TOP2B: variants seen among roughly 807,000 people sequenced by gnomAD.
The protein encoded by TOP2B is DNA topoisomerase II beta.
A neutral mutation model predicts 193.5 loss-of-function variants in TOP2B; 51 were observed. The observed-to-expected ratio is 0.26, with a 90% confidence interval of 0.21 to 0.33. The LOEUF (loss-of-function observed/expected upper bound fraction) is 0.33, where lower values mean the gene tolerates loss of function less well. Among genes scored for constraint, TOP2B ranks in the 10% least tolerant of loss-of-function variants. The pLI is 1.00. For missense variants in TOP2B, 1,378 were observed against 1,909.3 expected (o/e 0.72, Z 5.19); for synonymous variants, 634 against 635.7 (o/e 1.00, Z 0.04).
At chr3:25,607,099 A>G (rs114592386) in intron 31 of TOP2B, 72 bp downstream of exon 31, 35,524 of 1,540,810 alleles carry the variant, frequency 0.023, 488 homozygotes, top group Non-Finnish European at 0.026. Context: ...TTCTTAGAAG[A>G]GCTCACTATA....
At position 25,630,303 on chromosome 3, in the gene TOP2B, C is replaced by T. The variant is rs1336188391; in HGVS notation, c.1563+9G>A. 1 of 1,550,444 alleles carries T rather than the reference C, an allele frequency of 6.4e-7. No individual in the cohort carries two copies. Among genetic ancestry groups the T allele is most frequent in the East Asian group, 2.4e-5 (1 of 40,872 alleles). On this transcript the variant is annotated intron_variant, in intron 12 of 35. Transcript: ENST00000264331. Reference sequence around the variant, plus strand: ...GTGTATACACATATATATACACACACATACATACCTGTTTATGAGAAGCTT... The same window carrying T: ...GTGTATACACATATATATACACACATATACATACCTGTTTATGAGAAGCTT...
chr3:25,664,558 G>C lies in TOP2B; in HGVS notation c.-261C>G. Reference sequence around the variant, plus strand: ...GCGCGGCGGCTGAGGAGAAAGCAGGGAGCGACCGGCGGCGGCCGAGCGGCG... The same window carrying C: ...GCGCGGCGGCTGAGGAGAAAGCAGGCAGCGACCGGCGGCGGCCGAGCGGCG... On this transcript the variant is annotated 5_prime_UTR_variant, in exon 1 of 36. Transcript: ENST00000264331. The C allele has an allele frequency of 9.2e-7, 1 of 1,090,414 alleles. No homozygotes were observed. Among genetic ancestry groups the C allele is most frequent in the Non-Finnish European group, 1.1e-6 (1 of 898,760 alleles). 67.5% of individuals were successfully genotyped at this position (1,090,414 alleles called of 1,614,324 possible).
At chr3:25,664,155 C>T in intron 1 of TOP2B, 74 bp downstream of exon 1, 9 of 1,527,882 alleles carry the variant, frequency 5.9e-6, no homozygotes, top group South Asian at 1.2e-5. Flanking sequence ...TCCCCTCCCC[C>T]GCCCGTTCGG....
At chr3:25,623,234 A>T (rs943544976) in intron 21 of TOP2B, among the ~76,000 whole-genome samples, 1 of 152,182 alleles carries the variant, frequency 6.6e-6, no homozygotes, top group Non-Finnish European at 1.5e-5. Context: ...TCAGAAAAGG[A>T]TTGTTTTCTA....
intron 23 of TOP2B, 28 bp downstream of exon 23, chr3:25,619,834 T>C: frequency 4.6e-6 from 7 of 1,513,382 alleles, no homozygotes; most frequent in Non-Finnish European, 6.4e-6. Flanking sequence ...CAAGAAAGAT[T>C]AAATTAACAG....
intron 34 of TOP2B, among the ~76,000 whole-genome samples, chr3:25,599,905 G>A (rs546911826): frequency 6.6e-6 from 1 of 151,858 alleles, no homozygotes; most frequent in African/African-American, 2.4e-5. Context: ...ATTTGTCATG[G>A]GCCAATACTT....
At position 25,635,926 on chromosome 3, in the gene TOP2B, G is replaced by A. The variant is rs1703094205; in HGVS notation, c.852+10C>T. Reference sequence around the variant, plus strand: ...AACATAGTATTAAAACTATTTTACAGGACACTTACAGGCAATTTCTTTCCA... The same window carrying A: ...AACATAGTATTAAAACTATTTTACAAGACACTTACAGGCAATTTCTTTCCA... On this transcript the variant is annotated intron_variant, in intron 7 of 35. Transcript: ENST00000264331. The A allele has an allele frequency of 6.2e-7, 1 of 1,609,306 alleles. No homozygotes were observed. Among genetic ancestry groups the A allele is most frequent in the Admixed American group, 1.7e-5 (1 of 59,698 alleles).
intron 1 of TOP2B, among the ~76,000 whole-genome samples, chr3:25,648,637 C>G (rs1703481720): frequency 6.6e-6 from 1 of 151,916 alleles, no homozygotes. Flanking sequence ...CAGGCAGATC[C>G]CTTGAGCCCA....
intron 21 of TOP2B, among the ~76,000 whole-genome samples, chr3:25,623,264 T>C (rs966458083): frequency 1.3e-5 from 2 of 152,154 alleles, no homozygotes; most frequent in African/African-American, 4.8e-5. Flanking sequence ...GGTTTAGAGG[T>C]TTGAAAACCT....
intron 27 of TOP2B, among the ~76,000 whole-genome samples, chr3:25,614,394 T>C (rs1291114735): frequency 1.3e-5 from 2 of 152,042 alleles, no homozygotes; most frequent in African/African-American, 4.8e-5. Flanking sequence ...CAGGAAACAA[T>C]GTGCAAAAAA....
chr3:25,609,660 C>T lies in TOP2B; in HGVS notation c.3839G>A (p.Gly1280Glu), dbSNP rs1702320613. 1.3e-6 allele frequency: 2 copies of T among 1,537,762 alleles called. No individual in the cohort carries two copies. The highest frequency in any genetic ancestry group is 2.3e-5 in the East Asian group (1 of 42,800). The change falls in exon 29 of 36, where the codon GGA becomes GAA. Residue 1280 changes from glycine (G) to glutamate (E), a missense_variant. Coordinates refer to ENST00000264331, the MANE Select transcript of TOP2B (RefSeq NM_001330700.2). ...VKVEFDEEFS[G>E]APVEGAGEEA... ...TTCTCCTGCACCTTCTACTGGTGCT[C>T]CACTGAATTCTTCATCAAATTCCAC...
At chr3:25,604,713 T>G (rs754177848) in intron 33 of TOP2B, 47 bp downstream of exon 33, 2 of 1,369,770 alleles carry the variant, frequency 1.5e-6, no homozygotes, top group Admixed American at 4.1e-5. Flanking sequence ...CCTTTTACAT[T>G]AACTATCTCT....
At chr3:25,603,837 G>A (rs1427316895) in intron 33 of TOP2B, among the ~76,000 whole-genome samples, 1 of 152,214 alleles carries the variant, frequency 6.6e-6, no homozygotes, top group Non-Finnish European at 1.5e-5. Flanking sequence ...GATATTTATA[G>A]ACCAACTTTC....
intron 4 of TOP2B, among the ~76,000 whole-genome samples, chr3:25,638,633 T>A (rs965030805): frequency 6.6e-6 from 1 of 151,908 alleles, no homozygotes; most frequent in Admixed American, 6.6e-5. Context: ...TTAAAAAAGG[T>A]TTCATCATGT....
Position 25,636,160 on chromosome 3 carries a change from A to G in TOP2B, c.640-12T>C. On this transcript the variant is annotated splice_polypyrimidine_tract_variant and intron_variant, in intron 6 of 35. Coordinates refer to ENST00000264331, the MANE Select transcript of TOP2B (RefSeq NM_001330700.2). ...TTATTCATCCATGTCTTTAAAAGAA[A>G]AAAATTCAAATATTTCTATAATGCT... The G allele has an allele frequency of 6.6e-7, 1 of 1,509,664 alleles. No homozygotes were observed. Among genetic ancestry groups the G allele is most frequent in the Non-Finnish European group, 9.0e-7 (1 of 1,112,574 alleles). 93.5% of individuals were successfully genotyped at this position (1,509,664 alleles called of 1,614,324 possible). A position where few individuals can be genotyped will look rare whatever the true frequency, so the allele number is the denominator to read the frequency against.
At chr3:25,630,002 G>T in intron 13 of TOP2B, 27 bp downstream of exon 13, 1 of 1,552,560 alleles carries the variant, frequency 6.4e-7, no homozygotes, top group South Asian at 1.3e-5. Flanking sequence ...ACATGAATTT[G>T]AAATATGTGG....
intron 4 of TOP2B, among the ~76,000 whole-genome samples, chr3:25,638,797 T>C (rs1191707189): frequency 6.6e-6 from 1 of 152,148 alleles, no homozygotes; most frequent in Non-Finnish European, 1.5e-5. Context: ...ACCTCTCTTA[T>C]AAAATTTCAA....
chr3:25,604,543 G>T (rs1702186289), intron 33 of TOP2B, among the ~76,000 whole-genome samples: 1 of 152,102 alleles, frequency 6.6e-6, no homozygotes. Flanking sequence ...TAATGCACGG[G>T]ATTATTTTAT....
At position 25,618,424 on chromosome 3, in the gene TOP2B, T is replaced by G. The variant is rs746482048; in HGVS notation, c.3345A>C (p.Gln1115His). ...TTTTTCTGCAAATGATTACCTTTTCTTGTGCTTCTTTCCAGGCTTTCACTG... is the reference window on the plus strand; with the variant it reads ...TTTTTCTGCAAATGATTACCTTTTCGTGTGCTTCTTTCCAGGCTTTCACTG... Reference protein sequence around the residue: ...SDPVKAWKEAQEKAAEEDETQ... With the variant: ...SDPVKAWKEAHEKAAEEDETQ... The change falls in exon 25 of 36, where the codon CAA becomes CAC. Residue 1115 changes from glutamine to histidine, a missense_variant. Gln to His is a conservative substitution (Grantham distance 24). Transcript: ENST00000264331. 1.5e-5 allele frequency: 24 copies of G among 1,609,650 alleles called. No homozygotes were observed. Among genetic ancestry groups the G allele is most frequent in the Non-Finnish European group, 2.0e-5 (24 of 1,176,540 alleles).
Sources: allele counts gnomAD v4.1 joint callset (sites outside exome capture counted in the v4.1 genomes callset), GRCh38; gene constraint gnomAD v4.1.1; transcripts MANE v1.5; gene names NCBI Gene and HGNC (gene_info 2026-07-23, HGNC 2026-07-21).